SEC24A: variants seen among roughly 807,000 people sequenced by gnomAD.
The protein encoded by SEC24A is protein transport protein Sec24A.
A neutral mutation model predicts 129.4 loss-of-function variants in SEC24A; 93 were observed. The observed-to-expected ratio is 0.72, with a 90% confidence interval of 0.61 to 0.85. SEC24A has a LOEUF of 0.85. Ranked by LOEUF, SEC24A falls within the 40% of genes least tolerant of loss-of-function variation. The probability of loss-of-function intolerance (pLI) is 0.00; values close to 1 mark genes in which losing one functional copy is unlikely to be tolerated. For missense variants in SEC24A, 1,264 were observed against 1,307.4 expected, an observed-to-expected ratio of 0.97 and a Z score of 0.51; for synonymous variants, 460 against 467.3, an observed-to-expected ratio of 0.98 and a Z score of 0.20.
intron 13 of SEC24A, among the ~76,000 whole-genome samples, chr5:134,695,507 C>T (rs1164263656): frequency 6.6e-6 from 1 of 151,986 alleles, no homozygotes; most frequent in African/African-American, 2.4e-5. Context: ...CAAAAATTGG[C>T]CGGGCATGGT....
chr5:134,701,207 C>T (rs1393789567), intron 15 of SEC24A: 1 of 152,220 alleles, frequency 6.6e-6, no homozygotes, highest in East Asian at 1.9e-4. Flanking sequence ...TACGTGTCAT[C>T]CTTGCACTGG....
chr5:134,649,157 G>A lies in SEC24A; in HGVS notation c.81G>A (p.Gly27=). ...QAQNGAALAS[G]SPYTNGPVQN... is the part of the protein sequence containing the mutation. Reference sequence around the variant, plus strand: ...AGAACGGAGCCGCCTTGGCCTCGGGGTCTCCCTACACCAACGGTGAGTGCT... The same window carrying A: ...AGAACGGAGCCGCCTTGGCCTCGGGATCTCCCTACACCAACGGTGAGTGCT... The change falls in exon 1 of 23, where the codon GGG becomes GGA. Residue 27 remains glycine (G), a synonymous_variant. Coordinates refer to ENST00000398844, the MANE Select transcript of SEC24A (RefSeq NM_021982.3). 1 of 1,609,642 alleles carries A rather than the reference G, an allele frequency of 6.2e-7. No homozygotes were observed. The highest frequency in any genetic ancestry group is 8.5e-7 in the Non-Finnish European group (1 of 1,178,196).
intron 18 of SEC24A, among the ~76,000 whole-genome samples, chr5:134,712,926 ATTTTTTTTTT>A (rs754704811): frequency 9.7e-6 from 1 of 102,744 alleles, no homozygotes; most frequent in Non-Finnish European, 1.8e-5. Context: ...AAATATTTAA[ATTTTTTTTTT>A]TTTTTTTTTT....
Position 134,679,712 on chromosome 5 carries a change from T to G in SEC24A, c.1365T>G (p.Cys455Trp). The G allele has an allele frequency of 1.3e-6, 2 of 1,593,542 alleles. No homozygotes were observed. The highest frequency in any genetic ancestry group is 1.7e-6 in the Non-Finnish European group (2 of 1,166,448). ...LDQRRWKCNL[C>W]YRVNDVPEEF... ...AAAGGAGATGGAAGTGTAACTTATG[T>G]TATCGAGTCAATGATGGTATGGGAT... is the stretch of plus-strand genomic sequence containing the variant. The change falls in exon 8 of 23, where the codon TGT (cysteine) becomes TGG (tryptophan). Residue 455 changes from cysteine (C) to tryptophan (W), a missense_variant. Transcript: ENST00000398844.
At chr5:134,669,524 TG>T (rs1339873162) in intron 3 of SEC24A, among the ~76,000 whole-genome samples, 1 of 151,624 alleles carries the variant, frequency 6.6e-6, no homozygotes, top group Non-Finnish European at 1.5e-5. Flanking sequence ...TCTGCCAGGC[TG>T]GAGTGCAGTG....
rs371412700 is a variant in SEC24A at position 134,705,296 on chromosome 5, C to T, written c.2441-31C>T. 107 of 1,501,220 alleles carry T rather than the reference C, an allele frequency of 7.1e-5. No individual in the cohort carries two copies. In the African/African-American group the frequency reaches 1.4e-3, roughly 19 times the overall value. The allele number at this position is 1,501,220 out of a possible 1,614,324, so 93.0% of individuals were successfully genotyped here. On this transcript the variant is annotated intron_variant, in intron 16 of 22. Transcript: ENST00000398844. ...TAATCTTTTGTTTTATATAGTTGCC[C>T]CTCACTGTTGTTTGTGTATTTTCCC...
chr5:134,677,974 C>T (rs1264080629), intron 7 of SEC24A, among the ~76,000 whole-genome samples: 1 of 152,096 alleles, frequency 6.6e-6, no homozygotes, highest in East Asian at 1.9e-4. Flanking sequence ...ACAAATCTCC[C>T]CAAATCTGAT....
At chr5:134,722,182 C>G (rs1752645285) in intron 21 of SEC24A, among the ~76,000 whole-genome samples, 1 of 152,018 alleles carries the variant, frequency 6.6e-6, no homozygotes, top group African/African-American at 2.4e-5. Flanking sequence ...TTGTTTATGG[C>G]TACTTTGGTG....
chr5:134,684,679 C>T (rs1751388820), intron 9 of SEC24A, among the ~76,000 whole-genome samples: 1 of 152,112 alleles, frequency 6.6e-6, no homozygotes, highest in Non-Finnish European at 1.5e-5. Flanking sequence ...CGCCACTGCA[C>T]TCCAGCCTGG....
chr5:134,696,576 G>T (rs2150099796), intron 13 of SEC24A, among the ~76,000 whole-genome samples: 1 of 152,156 alleles, frequency 6.6e-6, no homozygotes, highest in South Asian at 2.1e-4. Flanking sequence ...TCAGCTCACT[G>T]CAAGCTCCGC....
At chr5:134,722,148 C>T (rs1360947767) in intron 21 of SEC24A, among the ~76,000 whole-genome samples, 1 of 152,112 alleles carries the variant, frequency 6.6e-6, no homozygotes, top group Non-Finnish European at 1.5e-5. Flanking sequence ...TTTATTGGAA[C>T]ATCCATGCCT....
intron 18 of SEC24A, among the ~76,000 whole-genome samples, chr5:134,711,382 G>T (rs1752320091): frequency 6.6e-6 from 1 of 151,654 alleles, no homozygotes; most frequent in African/African-American, 2.4e-5. Flanking sequence ...TTCCAGAACT[G>T]TTCAAGGACT....
intron 11 of SEC24A, among the ~76,000 whole-genome samples, chr5:134,692,002 A>G (rs1329660893): frequency 6.7e-6 from 1 of 149,760 alleles, no homozygotes; most frequent in Admixed American, 6.7e-5. Context: ...CCTAAGAAGC[A>G]TAGCACTTAC....
intron 11 of SEC24A, among the ~76,000 whole-genome samples, chr5:134,690,339 CAG>C (rs1318114044): frequency 9.9e-5 from 15 of 152,092 alleles, no homozygotes; most frequent in African/African-American, 3.4e-4. Flanking sequence ...TTTTTAAAGA[CAG>C]AGACTCTTGT....
chr5:134,727,642 T>G lies in SEC24A; in HGVS notation c.*2548T>G, dbSNP rs1752787169. ...CAAATGTAATCCTTATATAGAAATTTTAATTTTGTAAAGTAGTGTATAATA... is the reference window on the plus strand; with the variant it reads ...CAAATGTAATCCTTATATAGAAATTGTAATTTTGTAAAGTAGTGTATAATA... On this transcript the variant is annotated 3_prime_UTR_variant, in exon 23 of 23. Coordinates refer to ENST00000398844, the MANE Select transcript of SEC24A (RefSeq NM_021982.3). 1 of 152,582 alleles carries G rather than the reference T, an allele frequency of 6.6e-6. No individual in the cohort carries two copies. The allele number at this position is 152,582 out of a possible 1,614,324, so 9.5% of individuals were successfully genotyped here.
At position 134,667,527 on chromosome 5, in the gene SEC24A, T is replaced by G. The variant is rs562490306; in HGVS notation, c.739+531T>G. On this transcript the variant is annotated intron_variant, in intron 3 of 22. Coordinates refer to ENST00000398844, the MANE Select transcript of SEC24A (RefSeq NM_021982.3). Reference sequence around the variant, plus strand: ...TTAGCCAGGCGTGGTGGCAAGCGACTGTAGTAGTCACAGCTACTCTGGAGG... The same window carrying G: ...TTAGCCAGGCGTGGTGGCAAGCGACGGTAGTAGTCACAGCTACTCTGGAGG... 1.1e-4 allele frequency among the ~76,000 whole-genome samples: 17 copies of G among 151,666 alleles called. No homozygotes were observed. In the South Asian group the frequency reaches 2.9e-3, roughly 26 times the overall value.
At chr5:134,720,765 TGGTG>T (rs1413803443) in intron 20 of SEC24A, among the ~76,000 whole-genome samples, 1 of 152,056 alleles carries the variant, frequency 6.6e-6, no homozygotes, top group Non-Finnish European at 1.5e-5. Context: ...TAGCTGGGCA[TGGTG>T]GCACACGCCT....
In SEC24A at chr5:134,675,223, G is replaced by GCTT; in HGVS notation, c.1151+8_1151+10dup. On this transcript the variant is annotated splice_region_variant and intron_variant, in intron 6 of 22. Transcript: ENST00000398844. ...AAACTCAACTGTAACCCAGAGTAAG[G>GCTT]CTTCAGATGTGACATTATGCATGTC... is the stretch of plus-strand genomic sequence containing the variant. 1 of 1,603,066 alleles carries GCTT rather than the reference G, an allele frequency of 6.2e-7. No individual in the cohort carries two copies. The highest frequency in any genetic ancestry group is 1.3e-5 in the African/African-American group (1 of 74,788).
chr5:134,723,548 T>G lies in SEC24A; in HGVS notation c.3064-19T>G. 7.1e-7 allele frequency: 1 copy of G among 1,411,672 alleles called. No homozygotes were observed. The highest frequency in any genetic ancestry group is 1.0e-6 in the Non-Finnish European group (1 of 997,574). 87.4% of individuals were successfully genotyped at this position (1,411,672 alleles called of 1,614,324 possible). On this transcript the variant is annotated intron_variant, in intron 21 of 22. Coordinates refer to ENST00000398844, the MANE Select transcript of SEC24A (RefSeq NM_021982.3). ...ATATGTAATTAAAGTAATTGGATAT[T>G]GTTGGTTTTGGTTAACAGACAGACC...
Sources: allele counts gnomAD v4.1 joint callset (sites outside exome capture counted in the v4.1 genomes callset), GRCh38; gene constraint gnomAD v4.1.1; transcripts MANE v1.5; gene names NCBI Gene and HGNC (gene_info 2026-07-23, HGNC 2026-07-21).